BEGAIN: variants seen among roughly 807,000 people sequenced by gnomAD.
The protein encoded by BEGAIN is brain enriched guanylate kinase associated.
Under a neutral mutation model 35.8 loss-of-function variants are expected in BEGAIN, and 19 were observed. The ratio of observed to expected loss-of-function variants is 0.53; its 90% CI spans 0.37 to 0.78. The LOEUF (loss-of-function observed/expected upper bound fraction) is 0.78, where lower values mean the gene tolerates loss of function less well. Ranked by LOEUF, BEGAIN falls within the 30% of genes least tolerant of loss-of-function variation. BEGAIN has a pLI of 0.00. For synonymous variants in BEGAIN, 462 were observed against 388.6 expected (o/e 1.19, Z -2.22); for missense variants, 795 against 853.6 (o/e 0.93, Z 0.85).
intron 5 of BEGAIN, among the ~76,000 whole-genome samples, chr14:100,543,517 T>C (rs2031947903): frequency 6.6e-6 from 1 of 152,162 alleles, no homozygotes; most frequent in Non-Finnish European, 1.5e-5. Flanking sequence ...GAGTCCTGAG[T>C]GGCCATGACC....
At chr14:100,554,038 C>A (rs1303655430) in intron 2 of BEGAIN, among the ~76,000 whole-genome samples, 2 of 152,234 alleles carry the variant, frequency 1.3e-5, no homozygotes, top group African/African-American at 4.8e-5. Flanking sequence ...TCACGGGGGG[C>A]CACCGGGCCC....
chr14:100,572,749 C>T (rs185098774), intron 1 of BEGAIN, among the ~76,000 whole-genome samples: 6 of 152,232 alleles, frequency 3.9e-5, no homozygotes, highest in East Asian at 3.9e-4. Flanking sequence ...AGCAACAAGG[C>T]GGCTGTGTGT....
At position 100,568,047 on chromosome 14, in the gene BEGAIN, C is replaced by A. The variant is rs1356105184; in HGVS notation, c.43-108G>T. 1.2e-5 allele frequency: 14 copies of A among 1,138,084 alleles called. 1 individual carries two copies. Among genetic ancestry groups the A allele is most frequent in the Non-Finnish European group, 1.4e-5 (13 of 925,788 alleles). The allele number at this position is 1,138,084 out of a possible 1,614,324, so 70.5% of individuals were successfully genotyped here. On this transcript the variant is annotated intron_variant, in intron 1 of 6. Coordinates refer to ENST00000554140, the MANE Select transcript of BEGAIN (RefSeq NM_001385089.1). This position sits in a 1 kb window ranked among gnomAD's most constrained non-coding sequence, Gnocchi z 7.5. ...ACGGCCGGGCAACCCCGCGGGGCCCCGTCCGTGGGAAGCCCGGCGCCGCGC... is the reference window on the plus strand; with the variant it reads ...ACGGCCGGGCAACCCCGCGGGGCCCAGTCCGTGGGAAGCCCGGCGCCGCGC...
chr14:100,568,764 G>T lies in BEGAIN; in HGVS notation c.43-825C>A. ...CGGCCCGGGCGGGATCGCACTTCCT[G>T]CGTGGAGCTGGGGGCGCCGGGCGGG... On this transcript the variant is annotated intron_variant, in intron 1 of 6. Coordinates refer to ENST00000554140, the MANE Select transcript of BEGAIN (RefSeq NM_001385089.1). The surrounding 1 kb of genome is among the most constrained non-coding windows in gnomAD (Gnocchi z 7.5). 1 of 741,588 alleles carries T rather than the reference G, an allele frequency of 1.3e-6. No individual in the cohort carries two copies. Among genetic ancestry groups the T allele is most frequent in the Non-Finnish European group, 1.7e-6 (1 of 605,956 alleles). 45.9% of individuals were successfully genotyped at this position (741,588 alleles called of 1,614,324 possible). A position where few individuals can be genotyped will look rare whatever the true frequency, so the allele number is the denominator to read the frequency against.
chr14:100,575,492 C>A (rs1053673862), intron 1 of BEGAIN, among the ~76,000 whole-genome samples: 1 of 152,200 alleles, frequency 6.6e-6, no homozygotes, highest in Non-Finnish European at 1.5e-5. Flanking sequence ...CAGGACTCTG[C>A]TGGACTCAGT....
rs2035444049 is a variant in BEGAIN, at chr14:100,586,342, C to A, written c.42+907G>T. On this transcript the variant is annotated intron_variant, in intron 1 of 6. Coordinates refer to ENST00000554140, the MANE Select transcript of BEGAIN (RefSeq NM_001385089.1). This position sits in a 1 kb window ranked among gnomAD's most constrained non-coding sequence, Gnocchi z 4.9. ...TACCCCCAGGGCCTGGACCCCCAGT[C>A]TGCACTGGCGGCCGACCTTGGCCAT... Among the ~76,000 whole-genome samples the A allele has an allele frequency of 6.6e-6, 1 of 152,214 alleles. No homozygotes were observed. The highest frequency in any genetic ancestry group is 2.4e-5 in the African/African-American group (1 of 41,454).
rs1413415290 is a variant in BEGAIN at position 100,537,967 on chromosome 14, GC to G, written c.*1del. On this transcript the variant is annotated 3_prime_UTR_variant, in exon 7 of 7. Coordinates refer to ENST00000554140, the MANE Select transcript of BEGAIN (RefSeq NM_001385089.1). ...ACCACGGCCAGGCCTGCACGCAGGC[GC>G]TCAGTTGAGCAAGGTTCCGTAGAGC... 1.2e-6 allele frequency: 2 copies of G among 1,603,852 alleles called. No individual in the cohort carries two copies. The highest frequency in any genetic ancestry group is 1.7e-6 in the Non-Finnish European group (2 of 1,176,496).
chr14:100,577,922 C>A (rs2035237324), intron 1 of BEGAIN: 2 of 399,078 alleles, frequency 5.0e-6, no homozygotes, highest in South Asian at 2.5e-4. Flanking sequence ...GGGTTAGAGC[C>A]CCGTGCCTGG....
At position 100,568,307 on chromosome 14, in the gene BEGAIN, T is replaced by C. The variant is rs1007031556; in HGVS notation, c.43-368A>G. 1.6e-5 allele frequency: 11 copies of C among 707,734 alleles called. No individual in the cohort carries two copies. Among genetic ancestry groups the C allele is most frequent in the Middle Eastern group, 4.3e-4 (1 of 2,316 alleles). 43.8% of individuals were successfully genotyped at this position (707,734 alleles called of 1,614,324 possible). A position where few individuals can be genotyped will look rare whatever the true frequency, so the allele number is the denominator to read the frequency against. ...TCTCCGGCGGCCGCGGCCCCGCTGC[T>C]CCCCCCGCCCCGCCCGTTAACCCTT... On this transcript the variant is annotated intron_variant, in intron 1 of 6. Coordinates refer to ENST00000554140, the MANE Select transcript of BEGAIN (RefSeq NM_001385089.1). The surrounding 1 kb of genome is among the most constrained non-coding windows in gnomAD (Gnocchi z 7.5).
rs1273333595 is a variant in BEGAIN at position 100,546,585 on chromosome 14, T to C, written c.149A>G (p.Glu50Gly). 2 of 1,592,220 alleles carry C rather than the reference T, an allele frequency of 1.3e-6. No individual in the cohort carries two copies. Among genetic ancestry groups the C allele is most frequent in the Non-Finnish European group, 1.7e-6 (2 of 1,172,316 alleles). The change falls in exon 3 of 7, where the codon GAG becomes GGG. Residue 50 changes from glutamate to glycine, a missense_variant. Glu to Gly is a moderately conservative substitution (Grantham distance 98). Around this residue, in one of 3 missense-constraint regions of BEGAIN, gnomAD observed 58 missense variants for 62.7 expected, o/e 0.92. Coordinates refer to ENST00000554140, the MANE Select transcript of BEGAIN (RefSeq NM_001385089.1). ...CAGGTAGTGGCGCGTGGAGTCGAAC[T>C]CGGTCTCGAGCTTCTCGAGCTTGTG... is the stretch of plus-strand genomic sequence containing the variant. ...TTHKLEKLETEFDSTRHYLEI... is the reference protein window; with the variant it reads ...TTHKLEKLETGFDSTRHYLEI...
At chr14:100,577,873 T>C in intron 1 of BEGAIN, 1 of 399,250 alleles carries the variant, frequency 2.5e-6, no homozygotes, top group Non-Finnish European at 4.4e-6. Context: ...TGTCCCGGGC[T>C]CCAGGAGGGA....
chr14:100,552,781 G>A (rs2033331140), intron 2 of BEGAIN, among the ~76,000 whole-genome samples: 3 of 152,242 alleles, frequency 2.0e-5, no homozygotes, highest in Admixed American at 6.5e-5. Context: ...CTGTCTCAGT[G>A]TCACTTCCAG....
rs940882399 is a variant in BEGAIN, at chr14:100,546,796, A to T, written c.72-134T>A. ...CGCGCGCGCGCACACACACACACAC[A>T]CACACACACACACACACTCACACAC... On this transcript the variant is annotated intron_variant, in intron 2 of 6. Transcript: ENST00000554140. 6.4e-6 allele frequency: 4 copies of T among 626,334 alleles called. No individual in the cohort carries two copies. The African/African-American group carries it at 7.9e-5, about 12-fold the overall frequency. The allele number at this position is 626,334 out of a possible 1,614,324, so 38.8% of individuals were successfully genotyped here.
In BEGAIN at chr14:100,567,767, A is replaced by G; in HGVS notation, c.71+144T>C. 1 of 718,694 alleles carries G rather than the reference A, an allele frequency of 1.4e-6. No homozygotes were observed. The highest frequency in any genetic ancestry group is 1.9e-5 in the African/African-American group (1 of 51,386). 44.5% of individuals were successfully genotyped at this position (718,694 alleles called of 1,614,324 possible). ...CGGCGCGCACACACGCACCACACACACGCACCTGGCCCGCAGCCCCGCCGA... is the reference window on the plus strand; with the variant it reads ...CGGCGCGCACACACGCACCACACACGCGCACCTGGCCCGCAGCCCCGCCGA... On this transcript the variant is annotated intron_variant, in intron 2 of 6. Transcript: ENST00000554140. The surrounding 1 kb of genome is among the most constrained non-coding windows in gnomAD (Gnocchi z 5.1).
chr14:100,559,794 C>T (rs990536108), intron 2 of BEGAIN, among the ~76,000 whole-genome samples: 1 of 152,224 alleles, frequency 6.6e-6, no homozygotes, highest in African/African-American at 2.4e-5. Context: ...ACTCCACGTT[C>T]ACCTCTGCAT....
At chr14:100,562,436 T>C (rs2034339613) in intron 2 of BEGAIN, among the ~76,000 whole-genome samples, 1 of 152,090 alleles carries the variant, frequency 6.6e-6, no homozygotes, top group Non-Finnish European at 1.5e-5. Context: ...ACCTCAAGCC[T>C]GTGTGCCCTC....
rs1483607663 is a variant in BEGAIN at position 100,586,378 on chromosome 14, C to G, written c.42+871G>C. Among the ~76,000 whole-genome samples the G allele has an allele frequency of 1.3e-5, 2 of 152,212 alleles. No homozygotes were observed. The highest frequency in any genetic ancestry group is 2.9e-5 in the Non-Finnish European group (2 of 68,038). On this transcript the variant is annotated intron_variant, in intron 1 of 6. Transcript: ENST00000554140. This position sits in a 1 kb window ranked among gnomAD's most constrained non-coding sequence, Gnocchi z 4.9. ...GCCGACCTTGGCCATGCGGACTTTG[C>G]ACGTGCAGTGCTCCCTATCCATCCG...
chr14:100,580,680 C>A (rs1438262210), intron 1 of BEGAIN, among the ~76,000 whole-genome samples: 2 of 152,180 alleles, frequency 1.3e-5, no homozygotes, highest in Non-Finnish European at 2.9e-5. Context: ...TGGCCCCCAG[C>A]TGTAACTAAT....
At chr14:100,565,354 G>A (rs888627270) in intron 2 of BEGAIN, among the ~76,000 whole-genome samples, 2 of 152,196 alleles carry the variant, frequency 1.3e-5, no homozygotes, top group Non-Finnish European at 2.9e-5. Context: ...CGGAAGCAGG[G>A]CGACAGCATG....
Sources: allele counts gnomAD v4.1 joint callset (sites outside exome capture counted in the v4.1 genomes callset), GRCh38; gene constraint gnomAD v4.1.1; regional missense constraint gnomAD v4.1.1; non-coding constraint Gnocchi (gnomAD v3.1); transcripts MANE v1.5; gene names NCBI Gene and HGNC (gene_info 2026-07-23, HGNC 2026-07-21).